The following TRPS1 variants were observed in gnomAD, a reference collection of about 807,000 sequenced individuals.
TRPS1 encodes zinc finger transcription factor Trps1.
A neutral mutation model predicts 101.2 loss-of-function variants in TRPS1; 6 were observed. That is an observed-to-expected ratio of 0.06 (90% CI 0.03 to 0.12). The LOEUF (loss-of-function observed/expected upper bound fraction) is 0.12. Ranked by LOEUF, TRPS1 falls within the 10% of genes least tolerant of loss-of-function variation. TRPS1 has a pLI of 1.00. For synonymous variants in TRPS1, 578 were observed against 589.8 expected, an observed-to-expected ratio of 0.98 and a Z score of 0.29; for missense variants, 1,363 against 1,567.0, an observed-to-expected ratio of 0.87 and a Z score of 2.20.
At chr8:115,415,307 G>A (rs1487735810) in intron 6 of TRPS1, among the ~76,000 whole-genome samples, 2 of 152,086 alleles carry the variant, frequency 1.3e-5, no homozygotes, top group Non-Finnish European at 2.9e-5. Context: ...TTGCAGGGGG[G>A]ACTGAAAACT....
intron 1 of TRPS1, among the ~76,000 whole-genome samples, chr8:115,652,060 T>A (rs1256841671): frequency 1.3e-5 from 2 of 152,058 alleles, no homozygotes; most frequent in Admixed American, 1.3e-4. Flanking sequence ...CCTAAAAGCA[T>A]AAAACCCTCC....
intron 5 of TRPS1, among the ~76,000 whole-genome samples, chr8:115,457,147 C>T (rs1286520857): frequency 6.6e-6 from 1 of 152,012 alleles, no homozygotes; most frequent in East Asian, 1.9e-4. Flanking sequence ...GTGTGGTGTG[C>T]ACCAAAAACA....
chr8:115,485,259 A>G (rs569490451), intron 5 of TRPS1, among the ~76,000 whole-genome samples: 8 of 152,330 alleles, frequency 5.3e-5, no homozygotes, highest in African/African-American at 1.9e-4. Flanking sequence ...GCCAACAGCT[A>G]CAAGGAAAAT....
chr8:115,585,535 A>T (rs1286460577), intron 5 of TRPS1, among the ~76,000 whole-genome samples: 1 of 152,228 alleles, frequency 6.6e-6, no homozygotes, highest in Non-Finnish European at 1.5e-5. Flanking sequence ...ATTTAATAAA[A>T]CATAGGACAT....
chr8:115,666,915 C>T (rs1811935047), intron 1 of TRPS1, among the ~76,000 whole-genome samples: 1 of 152,118 alleles, frequency 6.6e-6, no homozygotes, highest in Admixed American at 6.5e-5. Flanking sequence ...AATGAATCTA[C>T]AAAAGTTCAA....
At chr8:115,597,346 G>A (rs1817810298) in intron 4 of TRPS1, among the ~76,000 whole-genome samples, 1 of 151,774 alleles carries the variant, frequency 6.6e-6, no homozygotes, top group African/African-American at 2.4e-5. Context: ...CTTTCTTTTT[G>A]TTTGGTTATG....
At chr8:115,500,928 A>G (rs1040853040) in intron 5 of TRPS1, among the ~76,000 whole-genome samples, 6 of 152,162 alleles carry the variant, frequency 3.9e-5, no homozygotes, top group African/African-American at 1.4e-4. Context: ...CTTGACAATG[A>G]TAAGGAATCT....
At chr8:115,472,119 A>G (rs912103404) in intron 5 of TRPS1, among the ~76,000 whole-genome samples, 17 of 152,192 alleles carry the variant, frequency 1.1e-4, no homozygotes, top group Admixed American at 3.3e-4. Flanking sequence ...GGGGGCTCCT[A>G]CCGCACATTT....
intron 1 of TRPS1, among the ~76,000 whole-genome samples, chr8:115,625,282 G>T (rs780602068): frequency 6.6e-6 from 1 of 151,858 alleles, no homozygotes; most frequent in African/African-American, 2.4e-5. Context: ...TCACCTGCTC[G>T]TGTGATCAAG....
At chr8:115,641,703 A>C (rs1818900190) in intron 1 of TRPS1, among the ~76,000 whole-genome samples, 1 of 152,176 alleles carries the variant, frequency 6.6e-6, no homozygotes, top group Non-Finnish European at 1.5e-5. Context: ...AACATGGTGA[A>C]ACCCCATCTC....
intron 5 of TRPS1, among the ~76,000 whole-genome samples, chr8:115,520,974 T>C (rs1170023740): frequency 1.3e-5 from 2 of 151,820 alleles, no homozygotes; most frequent in Non-Finnish European, 2.9e-5. Flanking sequence ...TTCGACAGTT[T>C]TGGAGGTTCC....
chr8:115,471,431 A>G (rs1814466978), intron 5 of TRPS1, among the ~76,000 whole-genome samples: 1 of 152,222 alleles, frequency 6.6e-6, no homozygotes, highest in Admixed American at 6.5e-5. Context: ...AACCGCCCCC[A>G]TGATTCAATT....
intron 5 of TRPS1, among the ~76,000 whole-genome samples, chr8:115,558,869 G>T (rs892657462): frequency 7.9e-5 from 12 of 151,824 alleles, no homozygotes; most frequent in African/African-American, 2.7e-4. Flanking sequence ...ATGCTAATGT[G>T]GTATTTTTTT....
chr8:115,597,954 A>G (rs1264030485), intron 4 of TRPS1, among the ~76,000 whole-genome samples: 1 of 152,170 alleles, frequency 6.6e-6, no homozygotes, highest in East Asian at 1.9e-4. Context: ...AGGTGTATAT[A>G]CAGTATGCAG....
At chr8:115,565,609 AACC>A (rs1173771873) in intron 5 of TRPS1, among the ~76,000 whole-genome samples, 1 of 152,016 alleles carries the variant, frequency 6.6e-6, no homozygotes, top group Non-Finnish European at 1.5e-5. Context: ...ACTACAAAGT[AACC>A]ACATTTTAAA....
At chr8:115,517,254 T>C (rs1379523489) in intron 5 of TRPS1, among the ~76,000 whole-genome samples, 1 of 151,712 alleles carries the variant, frequency 6.6e-6, no homozygotes, top group African/African-American at 2.4e-5. Context: ...TACTTTCTTA[T>C]ACAAATCATG....
chr8:115,447,563 A>T (rs1164431265), intron 5 of TRPS1, among the ~76,000 whole-genome samples: 3 of 152,186 alleles, frequency 2.0e-5, no homozygotes, highest in Non-Finnish European at 4.4e-5. Flanking sequence ...AACAATTACC[A>T]ACCAAATCCA....
At chr8:115,661,745 T>C (rs1245798152) in intron 1 of TRPS1, 2 of 146,276 alleles carry the variant, frequency 1.4e-5, no homozygotes, top group African/African-American at 2.7e-5. Context: ...GCGCAATTGA[T>C]GGATTTTTTT....
At chr8:115,656,790 A>C (rs956078660) in intron 1 of TRPS1, among the ~76,000 whole-genome samples, 7 of 152,146 alleles carry the variant, frequency 4.6e-5, no homozygotes, top group African/African-American at 1.7e-4. Flanking sequence ...CATTTCTGAA[A>C]ACACAAGAGA....
Sources: allele counts gnomAD v4.1 joint callset (sites outside exome capture counted in the v4.1 genomes callset), GRCh38; gene constraint gnomAD v4.1.1; transcripts MANE v1.5; gene names NCBI Gene and HGNC (gene_info 2026-07-23, HGNC 2026-07-21).